CDH8: variants seen among roughly 807,000 people sequenced by gnomAD.
The protein encoded by CDH8 is cadherin 8.
Under a neutral mutation model 68.1 loss-of-function variants are expected in CDH8, and 17 were observed. The observed-to-expected ratio is 0.25, with a 90% CI of 0.17 to 0.37. The LOEUF (loss-of-function observed/expected upper bound fraction) is 0.37. Ranked by LOEUF, CDH8 falls within the 10% of genes least tolerant of loss-of-function variation. The pLI is 1.00. For missense variants in CDH8, 763 were observed against 999.3 expected (o/e 0.76, Z 3.19); for synonymous variants, 372 against 365.1 (o/e 1.02, Z -0.21).
chr16:62,021,694 T>C (rs1902079659), intron 1 of CDH8, 92 bp from the exon 2 acceptor site: 2 of 555,050 alleles, frequency 3.6e-6, no homozygotes, highest in Non-Finnish European at 5.5e-6. Flanking sequence ...AAGTGAACAA[T>C]AGTAGGCACT....
chr16:61,984,184 C>T (rs1965589306), intron 2 of CDH8, among the ~76,000 whole-genome samples: 1 of 152,122 alleles, frequency 6.6e-6, no homozygotes, highest in Non-Finnish European at 1.5e-5. Flanking sequence ...TCCCAAAGTG[C>T]TGGGATTACA....
At chr16:61,728,581 A>T (rs1959443830) in intron 8 of CDH8, among the ~76,000 whole-genome samples, 1 of 151,096 alleles carries the variant, frequency 6.6e-6, no homozygotes. Context: ...CCTAGTTTTG[A>T]TAGAAGGAAG....
intron 8 of CDH8, among the ~76,000 whole-genome samples, chr16:61,733,267 T>C (rs1261931292): frequency 2.6e-5 from 4 of 151,854 alleles, no homozygotes; most frequent in Admixed American, 6.6e-5. Context: ...AACTTACAAA[T>C]ATTTGTTACA....
chr16:61,948,465 C>CT (rs1353122569), intron 2 of CDH8, among the ~76,000 whole-genome samples: 1 of 152,140 alleles, frequency 6.6e-6, no homozygotes, highest in Non-Finnish European at 1.5e-5. Context: ...GGAAAATATG[C>CT]TGTCCCCCAA....
chr16:61,812,763 C>A (rs1961980699), intron 7 of CDH8, among the ~76,000 whole-genome samples: 3 of 152,162 alleles, frequency 2.0e-5, no homozygotes, highest in Admixed American at 1.3e-4. Context: ...TCGTATTCCA[C>A]TTTCAAGAAT....
In CDH8 at chr16:61,817,959, G is replaced by T. The variant is rs572288158; in HGVS notation, c.1024-227C>A. The T allele has an allele frequency of 1.2e-5, 5 of 417,408 alleles. No homozygotes were observed. In the Admixed American group the frequency reaches 1.2e-4, roughly 10 times the overall value. The allele number at this position is 417,408 out of a possible 1,614,324, so 25.9% of individuals were successfully genotyped here. On this transcript the variant is annotated intron_variant, in intron 6 of 11. Transcript: ENST00000577390. ...ATCTAATCTCCTATTGTTTTGTTTTGCTCATTTCACTTGGAATTCACAAAA... is the reference window on the plus strand; with the variant it reads ...ATCTAATCTCCTATTGTTTTGTTTTTCTCATTTCACTTGGAATTCACAAAA...
rs1964306226 is a variant in CDH8 at position 61,695,394 on chromosome 16, G to T, written c.1654+18447C>A. Among the ~76,000 whole-genome samples, 3 of 152,162 alleles carry T rather than the reference G, an allele frequency of 2.0e-5. No homozygotes were observed. The South Asian group carries it at 6.2e-4, about 32-fold the overall frequency. On this transcript the variant is annotated intron_variant, in intron 10 of 11. Transcript: ENST00000577390. The stretch of plus-strand genomic sequence containing the variant: ...TCTTGAAGATTGGGTAAATGGAAGA[G>T]AATCAATTCTAGATTTATCAGTTTT...
At chr16:61,946,397 T>C (rs1316088847) in intron 2 of CDH8, among the ~76,000 whole-genome samples, 1 of 152,218 alleles carries the variant, frequency 6.6e-6, no homozygotes, top group Admixed American at 6.5e-5. Context: ...TTGTGTGTCT[T>C]TCATGGTGCC....
chr16:61,928,558 G>A (rs950373552), intron 2 of CDH8, among the ~76,000 whole-genome samples: 7 of 152,116 alleles, frequency 4.6e-5, no homozygotes, highest in Non-Finnish European at 1.0e-4. Flanking sequence ...TGCACCCCTA[G>A]CCACTGAGTG....
chr16:62,014,859 G>A (rs1901898107), intron 2 of CDH8, among the ~76,000 whole-genome samples: 1 of 152,060 alleles, frequency 6.6e-6, no homozygotes, highest in South Asian at 2.1e-4. Context: ...ATGTAAGAGA[G>A]AGGATTTAGT....
intron 8 of CDH8, among the ~76,000 whole-genome samples, chr16:61,751,222 T>A (rs889976224): frequency 1.3e-5 from 2 of 151,674 alleles, no homozygotes; most frequent in Non-Finnish European, 2.9e-5. Flanking sequence ...CTAAAACACA[T>A]TCAAATCTCT....
At chr16:61,782,742 G>C (rs1275226400) in intron 8 of CDH8, among the ~76,000 whole-genome samples, 1 of 152,288 alleles carries the variant, frequency 6.6e-6, no homozygotes, top group African/African-American at 2.4e-5. Flanking sequence ...CTGGAGATCT[G>C]AGAACGGGCA....
At chr16:61,928,456 T>C (rs189696596) in intron 2 of CDH8, among the ~76,000 whole-genome samples, 5 of 152,332 alleles carry the variant, frequency 3.3e-5, no homozygotes, top group Admixed American at 6.5e-5. Flanking sequence ...GGCTCTTGAC[T>C]GTCCTGGGTA....
At chr16:61,763,586 C>T (rs1392128689) in intron 8 of CDH8, among the ~76,000 whole-genome samples, 1 of 152,130 alleles carries the variant, frequency 6.6e-6, no homozygotes, top group Non-Finnish European at 1.5e-5. Context: ...ATTTATCTTC[C>T]AAACTTCAAT....
intron 2 of CDH8, among the ~76,000 whole-genome samples, chr16:61,938,444 T>C (rs931305621): frequency 6.6e-6 from 1 of 152,142 alleles, no homozygotes; most frequent in Non-Finnish European, 1.5e-5. Flanking sequence ...AGGGGAAATA[T>C]ATACAGCTAT....
At chr16:61,659,312 C>G (rs1488431452) in intron 10 of CDH8, among the ~76,000 whole-genome samples, 1 of 152,138 alleles carries the variant, frequency 6.6e-6, no homozygotes, top group Non-Finnish European at 1.5e-5. Flanking sequence ...GGTGCATGAA[C>G]AAGAACCCAC....
chr16:61,960,347 A>G (rs199519359), intron 2 of CDH8, among the ~76,000 whole-genome samples: 1,825 of 26,472 alleles, frequency 0.069, 440 homozygotes, highest in Middle Eastern at 0.16. Context: ...ACATATATAC[A>G]TGTGTGTGTG....
At chr16:61,714,064 G>A (rs1206536352) in intron 9 of CDH8, 106 bp from the exon 10 acceptor site, 1 of 755,836 alleles carries the variant, frequency 1.3e-6, no homozygotes, top group Non-Finnish European at 2.3e-6. Flanking sequence ...TTGGCTCAGA[G>A]ACTCTTTTTC....
At chr16:61,849,643 G>A (rs1291287315) in intron 4 of CDH8, among the ~76,000 whole-genome samples, 1 of 152,126 alleles carries the variant, frequency 6.6e-6, no homozygotes, top group Admixed American at 6.6e-5. Context: ...CATGGAAAGA[G>A]GTTCTAGGTC....
Sources: gnomAD v4.1 joint callset for allele counts (sites outside exome capture counted in the v4.1 genomes callset) on GRCh38, gnomAD v4.1.1 for gene constraint, MANE v1.5 for transcripts, NCBI Gene and HGNC (gene_info 2026-07-23, HGNC 2026-07-21) for gene names.